PDE5A: variants seen among roughly 807,000 people sequenced by gnomAD.
The protein encoded by PDE5A is phosphodiesterase 5A.
A neutral mutation model predicts 110.2 loss-of-function variants in PDE5A; 67 were observed. That is an observed-to-expected ratio of 0.61 (90% CI 0.50 to 0.75). PDE5A has a LOEUF of 0.75. PDE5A is among the 30% of genes least tolerant of loss of function. PDE5A has a pLI of 0.00. For missense variants in PDE5A, 862 were observed against 1,045.1 expected (o/e 0.82, Z 2.42); for synonymous variants, 328 against 351.2 (o/e 0.93, Z 0.74).
In PDE5A at chr4:119,606,690, C is replaced by G. The variant is rs1026377102; in HGVS notation, c.741+19G>C. 2.5e-6 allele frequency: 4 copies of G among 1,593,592 alleles called. No homozygotes were observed. The highest frequency in any genetic ancestry group is 3.4e-6 in the Non-Finnish European group (4 of 1,162,900). ...TCCCCTCCCCAGCACTGGTCCTGCT[C>G]TCATGCTCCCCTGTTTACCTCATAT... is the stretch of plus-strand genomic sequence containing the variant. On this transcript the variant is annotated intron_variant, in intron 2 of 20. Transcript: ENST00000354960.
chr4:119,599,406 G>A (rs1729264315), intron 2 of PDE5A, among the ~76,000 whole-genome samples: 1 of 151,966 alleles, frequency 6.6e-6, no homozygotes, highest in South Asian at 2.1e-4. Flanking sequence ...CTTTAAAGCA[G>A]CTATTAAAAA....
chr4:119,591,305 C>T (rs1306755473), intron 3 of PDE5A, among the ~76,000 whole-genome samples: 19 of 152,216 alleles, frequency 1.2e-4, no homozygotes, highest in Admixed American at 1.2e-3. Flanking sequence ...CTACGTTAAA[C>T]CCTTCACTCA....
chr4:119,628,457 G>A (rs1051452321), intron 1 of PDE5A, 63 bp downstream of exon 1: 11 of 1,377,626 alleles, frequency 8.0e-6, no homozygotes, highest in Non-Finnish European at 1.1e-5. Flanking sequence ...AGGGGTGAAC[G>A]AAGGGCACAA....
intron 3 of PDE5A, among the ~76,000 whole-genome samples, chr4:119,584,554 A>T (rs1168949893): frequency 6.6e-6 from 1 of 152,220 alleles, no homozygotes; most frequent in Non-Finnish European, 1.5e-5. Context: ...CAAATATGGA[A>T]GTTAATTATC....
intron 3 of PDE5A, among the ~76,000 whole-genome samples, chr4:119,585,325 C>A (rs1578800555): frequency 6.6e-6 from 1 of 151,098 alleles, no homozygotes; most frequent in Non-Finnish European, 1.5e-5. Flanking sequence ...TGCCACCATA[C>A]AAAGAGGCAA....
At chr4:119,565,032 G>C (rs1474715994) in intron 5 of PDE5A, among the ~76,000 whole-genome samples, 1 of 152,088 alleles carries the variant, frequency 6.6e-6, no homozygotes, top group Non-Finnish European at 1.5e-5. Context: ...AACCCATACA[G>C]TGACTTAAAA....
intron 19 of PDE5A, among the ~76,000 whole-genome samples, chr4:119,501,524 C>T (rs1725333994): frequency 6.6e-6 from 1 of 152,122 alleles, no homozygotes; most frequent in Non-Finnish European, 1.5e-5. Context: ...GTCTAGAACT[C>T]CTGACCTCAA....
chr4:119,599,207 C>A (rs1729255356), intron 2 of PDE5A, among the ~76,000 whole-genome samples: 2 of 152,214 alleles, frequency 1.3e-5, no homozygotes, highest in South Asian at 2.1e-4. Context: ...CCTGCCCGAA[C>A]AAATCTCATC....
At position 119,542,638 on chromosome 4, in the gene PDE5A, T is replaced by A; in HGVS notation, c.1397-4A>T. The A allele has an allele frequency of 6.2e-6, 10 of 1,610,428 alleles. No homozygotes were observed. Among genetic ancestry groups the A allele is most frequent in the Non-Finnish European group, 8.5e-6 (10 of 1,177,098 alleles). On this transcript the variant is annotated splice_region_variant and splice_polypyrimidine_tract_variant and intron_variant, in intron 9 of 20. Transcript: ENST00000354960. Reference sequence around the variant, plus strand: ...TTATTAACAAGTTGGCAAACCCCTATAACAATCCGAGAAATTGAGCAAATG... The same window carrying A: ...TTATTAACAAGTTGGCAAACCCCTAAAACAATCCGAGAAATTGAGCAAATG...
chr4:119,519,219 T>C, intron 13 of PDE5A, 80 bp from the exon 14 acceptor site: 1 of 1,030,044 alleles, frequency 9.7e-7, no homozygotes, highest in South Asian at 1.3e-5. Flanking sequence ...TTTTCAGTAA[T>C]CTTTTTTTTC....
chr4:119,610,633 A>G (rs1295192925), intron 1 of PDE5A, among the ~76,000 whole-genome samples: 1 of 152,158 alleles, frequency 6.6e-6, no homozygotes, highest in Non-Finnish European at 1.5e-5. Context: ...ACTTCCTGCC[A>G]GTTTTCCCAC....
intron 13 of PDE5A, among the ~76,000 whole-genome samples, chr4:119,520,478 AC>A (rs770234351): frequency 6.6e-6 from 1 of 152,112 alleles, no homozygotes; most frequent in Non-Finnish European, 1.5e-5. Flanking sequence ...AACAGTACTT[AC>A]AAAATTTACT....
chr4:119,614,440 T>C (rs1325589154), intron 1 of PDE5A, among the ~76,000 whole-genome samples: 2 of 152,140 alleles, frequency 1.3e-5, no homozygotes, highest in Admixed American at 6.6e-5. Flanking sequence ...TCATTCTACA[T>C]AGCTTTTCCT....
At chr4:119,507,835 C>T in intron 15 of PDE5A, 131 bp from the exon 16 acceptor site, 2 of 630,910 alleles carry the variant, frequency 3.2e-6, no homozygotes, top group Non-Finnish European at 5.4e-6. Context: ...CACTTAAATA[C>T]CATGAAATAA....
chr4:119,549,058 C>T (rs1337404857), intron 9 of PDE5A: 1 of 152,246 alleles, frequency 6.6e-6, no homozygotes, highest in East Asian at 1.9e-4. Flanking sequence ...TACTGCAACA[C>T]ACAGATGAGC....
At chr4:119,566,501 A>G (rs1212032159) in intron 4 of PDE5A, among the ~76,000 whole-genome samples, 1 of 152,194 alleles carries the variant, frequency 6.6e-6, no homozygotes, top group Non-Finnish European at 1.5e-5. Context: ...AAGCATGTCA[A>G]TGAGGCGTGT....
chr4:119,533,177 T>C (rs1726606903), intron 11 of PDE5A, among the ~76,000 whole-genome samples: 1 of 152,180 alleles, frequency 6.6e-6, no homozygotes, highest in Non-Finnish European at 1.5e-5. Context: ...CAATAATCCA[T>C]TTTTAAAGAA....
At chr4:119,589,866 GCAGATCTCCTTGTTGC>G (rs1728902593) in intron 3 of PDE5A, among the ~76,000 whole-genome samples, 1 of 152,102 alleles carries the variant, frequency 6.6e-6, no homozygotes, top group Admixed American at 6.5e-5. Context: ...CAGAATACAG[GCAGATCTCCTTGTTGC>G]CACCTCAAGT....
At chr4:119,567,439 A>G (rs763262435) in intron 3 of PDE5A, among the ~76,000 whole-genome samples, 2 of 152,200 alleles carry the variant, frequency 1.3e-5, no homozygotes, top group Non-Finnish European at 2.9e-5. Context: ...TTTTAAGTAT[A>G]TATTTTCCAT....
Sources: gnomAD v4.1 joint callset for allele counts (sites outside exome capture counted in the v4.1 genomes callset) on GRCh38, gnomAD v4.1.1 for gene constraint, MANE v1.5 for transcripts, NCBI Gene and HGNC (gene_info 2026-07-23, HGNC 2026-07-21) for gene names.